TENT5D: variants seen among roughly 807,000 people sequenced by gnomAD.
The protein encoded by TENT5D is cancer/testis antigen 112.
For missense variants in TENT5D, 191 were observed against 287.0 expected, an observed-to-expected ratio of 0.67 and a Z score of 2.42; for synonymous variants, 103 against 100.6, an observed-to-expected ratio of 1.02 and a Z score of -0.15.
In TENT5D at chrX:80,429,409, TCTC is replaced by T. The variant is rs1932042641; in HGVS notation, c.-142+8849_-142+8851del. Among the ~76,000 whole-genome samples the T allele has an allele frequency of 2.7e-5, 3 of 110,506 alleles. No individual in the cohort carries two copies. In the South Asian group the frequency reaches 1.2e-3, roughly 43 times the overall value. ...CCTCCACGTCCTGGGTTCAAGCAAT[TCTC>T]CTGTCTCAGCCTCCCGAGTAGCTGG... On this transcript the variant is annotated intron_variant, in intron 1 of 2. Transcript: ENST00000308293.
intron 3 of TENT5D, among the ~76,000 whole-genome samples, chrX:80,362,203 G>T (rs1286391729): frequency 1.8e-5 from 2 of 108,462 alleles, no homozygotes; most frequent in African/African-American, 3.4e-5. Context: ...TTGCTCTGTT[G>T]CCCAGGATGG....
intron 3 of TENT5D, among the ~76,000 whole-genome samples, chrX:80,384,587 G>A (rs1470527275): frequency 2.2e-5 from 2 of 89,710 alleles, no homozygotes; most frequent in African/African-American, 8.3e-5. Flanking sequence ...CAATCAGGCA[G>A]GAGAAAGAAA....
chrX:80,391,500 T>C (rs1317968205), intron 3 of TENT5D, among the ~76,000 whole-genome samples: 1 of 112,094 alleles, frequency 8.9e-6, no homozygotes, highest in African/African-American at 3.2e-5. Context: ...TAAAAACTTC[T>C]TTCTAAATCA....
intron 1 of TENT5D, among the ~76,000 whole-genome samples, chrX:80,423,241 T>C (rs1219850598): frequency 1.8e-5 from 2 of 112,023 alleles, no homozygotes; most frequent in Non-Finnish European, 3.8e-5. Context: ...GAAGGGGAAG[T>C]AGTACTACTG....
At chrX:80,345,572 C>T (rs1930041591) in intron 3 of TENT5D, among the ~76,000 whole-genome samples, 3 of 111,388 alleles carry the variant, frequency 2.7e-5, no homozygotes, top group Non-Finnish European at 5.7e-5. Context: ...AAAGGTGCTC[C>T]CAGGGATTAC....
chrX:80,356,321 AAC>A (rs201728802), intron 3 of TENT5D, among the ~76,000 whole-genome samples: 1 of 111,932 alleles, frequency 8.9e-6, no homozygotes, highest in African/African-American at 3.2e-5. Context: ...CAATATAAAT[AAC>A]AGAGTCTTTT....
At chrX:80,373,799 T>C (rs1258306372) in intron 3 of TENT5D, among the ~76,000 whole-genome samples, 1 of 111,667 alleles carries the variant, frequency 9.0e-6, no homozygotes, top group Non-Finnish European at 1.9e-5. Context: ...CCATCTAATA[T>C]ATTTCATGTA....
chrX:80,360,811 A>T (rs977732534), intron 3 of TENT5D, among the ~76,000 whole-genome samples: 1 of 112,100 alleles, frequency 8.9e-6, no homozygotes. Flanking sequence ...AAAAGTATTA[A>T]AAAGGTAGTT....
chrX:80,374,914 A>G (rs1930696033), intron 3 of TENT5D, among the ~76,000 whole-genome samples: 1 of 111,394 alleles, frequency 9.0e-6, no homozygotes, highest in South Asian at 3.7e-4. Context: ...GTGTCATGTC[A>G]GCTCTCAGAA....
At chrX:80,364,800 A>G (rs1417795628) in intron 3 of TENT5D, among the ~76,000 whole-genome samples, 1 of 110,292 alleles carries the variant, frequency 9.1e-6, no homozygotes, top group East Asian at 2.8e-4. Context: ...CCTACCCACA[A>G]TTAGGTAACT....
intron 2 of TENT5D, among the ~76,000 whole-genome samples, chrX:80,440,768 A>T: frequency 9.0e-6 from 1 of 111,384 alleles, no homozygotes; most frequent in Non-Finnish European, 1.9e-5. Flanking sequence ...ATAAATTAAA[A>T]TCTTAACAGT....
At chrX:80,421,251 T>C (rs1435063753) in intron 1 of TENT5D, among the ~76,000 whole-genome samples, 1 of 111,940 alleles carries the variant, frequency 8.9e-6, no homozygotes, top group Non-Finnish European at 1.9e-5. Flanking sequence ...AGTGGCATGA[T>C]CTCGGCTCAC....
intron 3 of TENT5D, among the ~76,000 whole-genome samples, chrX:80,413,861 AAAC>A (rs747619907): frequency 8.9e-6 from 1 of 112,545 alleles, no homozygotes; most frequent in Non-Finnish European, 1.9e-5. Flanking sequence ...AAAAAGACCA[AAAC>A]AACAACAAAA....
intron 1 of TENT5D, among the ~76,000 whole-genome samples, chrX:80,427,715 G>A (rs1476318294): frequency 8.9e-6 from 1 of 112,022 alleles, no homozygotes; most frequent in Non-Finnish European, 1.9e-5. Context: ...TCTGTGGCCT[G>A]ACAAACAAGC....
At chrX:80,359,396 G>A (rs772652426) in intron 3 of TENT5D, among the ~76,000 whole-genome samples, 7 of 111,884 alleles carry the variant, frequency 6.3e-5, no homozygotes, top group South Asian at 7.5e-4. Flanking sequence ...ACTTGGAACC[G>A]ACCCAAATGT....
intron 3 of TENT5D, among the ~76,000 whole-genome samples, chrX:80,372,927 A>G (rs1372616379): frequency 9.3e-6 from 1 of 107,845 alleles, no homozygotes; most frequent in Non-Finnish European, 1.9e-5. Flanking sequence ...TTGTTACTGT[A>G]TTTCATATTA....
chrX:80,408,504 T>A (rs1356827818), intron 3 of TENT5D, among the ~76,000 whole-genome samples: 11 of 109,069 alleles, frequency 1.0e-4, no homozygotes, highest in Non-Finnish European at 1.9e-4. Context: ...CTAGAAGAAA[T>A]GGATAAATTC....
chrX:80,388,804 G>A (rs776980044), intron 3 of TENT5D, among the ~76,000 whole-genome samples: 2 of 111,404 alleles, frequency 1.8e-5, no homozygotes, highest in African/African-American at 6.5e-5. Context: ...TCAGCACACC[G>A]GGACCTGCCT....
At chrX:80,429,974 A>G (rs1602222047) in intron 1 of TENT5D, among the ~76,000 whole-genome samples, 1 of 108,129 alleles carries the variant, frequency 9.2e-6, no homozygotes, top group Non-Finnish European at 1.9e-5. Flanking sequence ...TTTGCATTCT[A>G]TTGGGAATGG....
Sources: allele counts gnomAD v4.1 joint callset (sites outside exome capture counted in the v4.1 genomes callset), GRCh38; gene constraint gnomAD v4.1.1; transcripts MANE v1.5; gene names NCBI Gene and HGNC (gene_info 2026-07-23, HGNC 2026-07-21).